USP50: variants seen among roughly 807,000 people sequenced by gnomAD.
USP50 encodes ubiquitin specific peptidase 50.
A neutral mutation model predicts 39.2 loss-of-function variants in USP50; 37 were observed. The observed-to-expected ratio is 0.94, with a 90% confidence interval of 0.73 to 1.24. USP50 has a LOEUF of 1.24. Among genes scored for constraint, USP50 ranks in the 50% most tolerant of loss-of-function variants. The probability of loss-of-function intolerance (pLI) is 0.00; values close to 1 mark genes in which losing one functional copy is unlikely to be tolerated. For missense variants in USP50, 374 were observed against 398.2 expected (o/e 0.94, Z 0.52); for synonymous variants, 139 against 144.5 (o/e 0.96, Z 0.27).
rs368515249 is a variant in USP50 at position 50,527,688 on chromosome 15, TAC to T, written c.936+2107_936+2108del. Among the ~76,000 whole-genome samples, 227 of 150,550 alleles carry T rather than the reference TAC, an allele frequency of 1.5e-3. 1 individual carries two copies. Among genetic ancestry groups the T allele is most frequent in the African/African-American group, 5.2e-3 (212 of 41,006 alleles). On this transcript the variant is annotated intron_variant, in intron 6 of 6. Transcript: ENST00000532404. ...CGAGTCTCACTCGCTCAGGCTAGAG[TAC>T]AGTGGCCCAATATCGCTCACTGCAA...
chr15:50,499,168 G>A, downstream of USP50: 1 of 1,376,726 alleles, frequency 7.3e-7, no homozygotes. Flanking sequence ...GATAATGGTA[G>A]CTATAGCTGG....
chr15:50,500,501 T>C (rs1475864899), downstream of USP50: 3 of 342,522 alleles, frequency 8.8e-6, no homozygotes, highest in Non-Finnish European at 1.7e-5. Context: ...ACGACAGATT[T>C]ATCTTAAGAT....
chr15:50,517,719 TTTTG>T (rs1278396749), intron 6 of USP50, among the ~76,000 whole-genome samples: 3 of 152,144 alleles, frequency 2.0e-5, no homozygotes, highest in Non-Finnish European at 4.4e-5. Context: ...AAGCAGTTTT[TTTTG>T]TTTGTTTTTT....
At chr15:50,538,445 G>A (rs572600547) in intron 5 of USP50, among the ~76,000 whole-genome samples, 11 of 152,166 alleles carry the variant, frequency 7.2e-5, no homozygotes, top group African/African-American at 2.6e-4. Context: ...TTTCTGTGTG[G>A]GTGAGGAAGA....
chr15:50,500,935 T>C, intron 6 of USP50, 98 bp from the exon 7 acceptor site: 3 of 991,670 alleles, frequency 3.0e-6, no homozygotes, highest in Non-Finnish European at 4.6e-6. Context: ...AAATTGTCCC[T>C]TATTCTAAAT....
intron 2 of USP50, 63 bp downstream of exon 2, chr15:50,544,524 C>G: frequency 6.7e-7 from 1 of 1,498,122 alleles, no homozygotes; most frequent in East Asian, 2.4e-5. Context: ...AGTTCCTTCT[C>G]TAACCTCATC....
intron 6 of USP50, chr15:50,504,202 T>TATGGGAGG (rs1380675511): frequency 6.6e-6 from 1 of 152,184 alleles, no homozygotes; most frequent in East Asian, 1.9e-4. Flanking sequence ...ACTTAAAGTA[T>TATGGGAGG]ATGGGAGGAT....
chr15:50,496,442 C>G (rs2052409640), downstream of USP50, among the ~76,000 whole-genome samples: 1 of 142,666 alleles, frequency 7.0e-6, no homozygotes, highest in African/African-American at 2.6e-5. Context: ...GATCTCGCCA[C>G]TGCACTCCAG....
chr15:50,542,481 A>ATTTTTTTTTTTTTTTTTTTTTTT (rs11292495), intron 3 of USP50, among the ~76,000 whole-genome samples: 7 of 97,400 alleles, frequency 7.2e-5, no homozygotes, highest in Non-Finnish European at 9.7e-5. Flanking sequence ...TTTCCTTTTC[A>ATTTTTTTTTTTTTTTTTTTTTTT]TTTTTTTTTT....
chr15:50,540,067 T>C (rs1457322439), intron 4 of USP50, among the ~76,000 whole-genome samples: 2 of 152,258 alleles, frequency 1.3e-5, no homozygotes, highest in Non-Finnish European at 2.9e-5. Context: ...TCTCCAATTC[T>C]GGTAGGTAAA....
chr15:50,540,470 C>T (rs2053018933), intron 4 of USP50, among the ~76,000 whole-genome samples: 1 of 152,094 alleles, frequency 6.6e-6, no homozygotes, highest in Admixed American at 6.5e-5. Flanking sequence ...AAATCTACCT[C>T]AATAGACTCA....
At chr15:50,540,769 G>A (rs1334535596) in intron 4 of USP50, among the ~76,000 whole-genome samples, 1 of 152,024 alleles carries the variant, frequency 6.6e-6, no homozygotes, top group Non-Finnish European at 1.5e-5. Flanking sequence ...GATTACAGGT[G>A]CCCGCCACCA....
chr15:50,521,918 C>T (rs1453842151), intron 6 of USP50, among the ~76,000 whole-genome samples: 6 of 152,156 alleles, frequency 3.9e-5, no homozygotes, highest in Middle Eastern at 3.2e-3. Context: ...GAGCCAAGAT[C>T]GTACCACTGC....
At chr15:50,496,193 A>G (rs1037968865), downstream of USP50, 2 of 961,898 alleles carry the variant, frequency 2.1e-6, no homozygotes, top group Non-Finnish European at 3.0e-6. Flanking sequence ...TTTATCAGTA[A>G]AACTCGGCCG....
chr15:50,496,839 T>C, downstream of USP50: 1 of 326,604 alleles, frequency 3.1e-6, no homozygotes, highest in South Asian at 1.4e-4. Context: ...GTTTCTCTGA[T>C]TGACCAGGTT....
At chr15:50,497,353 A>G, downstream of USP50, 1 of 1,241,544 alleles carries the variant, frequency 8.1e-7, no homozygotes, top group Admixed American at 2.9e-5. Flanking sequence ...TTATCTGGTT[A>G]CAGTAGATCT....
At chr15:50,497,334 A>G (rs1056156245), downstream of USP50, 2 of 1,315,172 alleles carry the variant, frequency 1.5e-6, no homozygotes, top group African/African-American at 3.0e-5. Context: ...GGCACATAAC[A>G]AAGGGCGATT....
At chr15:50,498,799 A>C, downstream of USP50, 1 of 1,553,912 alleles carries the variant, frequency 6.4e-7, no homozygotes, top group East Asian at 2.3e-5. Flanking sequence ...GTGGTTTCCT[A>C]CCTCATGGAA....
downstream of USP50, among the ~76,000 whole-genome samples, chr15:50,496,495 A>C (rs932767651): frequency 2.6e-5 from 4 of 151,956 alleles, no homozygotes; most frequent in Admixed American, 2.0e-4. Flanking sequence ...AAAAAAAAAA[A>C]AAAAACCTTT....
Sources: allele counts gnomAD v4.1 joint callset (sites outside exome capture counted in the v4.1 genomes callset), GRCh38; gene constraint gnomAD v4.1.1; transcripts MANE v1.5; gene names NCBI Gene and HGNC (gene_info 2026-07-23, HGNC 2026-07-21).